The following KIAA1217 variants were observed in gnomAD, a reference collection of about 807,000 sequenced individuals.
The protein encoded by KIAA1217 is KIAA1217.
Under a neutral mutation model 163.9 loss-of-function variants are expected in KIAA1217, and 88 were observed. The observed-to-expected ratio is 0.54, with a 90% confidence interval of 0.45 to 0.64. KIAA1217 has a LOEUF of 0.64. Among genes scored for constraint, KIAA1217 ranks in the 30% least tolerant of loss-of-function variants. The pLI is 0.00. For missense variants in KIAA1217, 2,372 were observed against 2,475.0 expected, an observed-to-expected ratio of 0.96 and a Z score of 0.88; for synonymous variants, 903 against 923.1, an observed-to-expected ratio of 0.98 and a Z score of 0.39.
intron 1 of KIAA1217, among the ~76,000 whole-genome samples, chr10:23,999,983 T>G (rs1360294945): frequency 6.6e-6 from 1 of 152,134 alleles, no homozygotes; most frequent in Non-Finnish European, 1.5e-5. Context: ...GGAGGATCAC[T>G]TGAGCCCAGG....
rs1026701451 is a variant in KIAA1217 at position 23,934,767 on chromosome 10, G to A, written c.-320-72458G>A. ...TGAGTAGCTGGGACTACAGGCACCC[G>A]CCACCACACCCGGCTAATTTTTTGT... On this transcript the variant is annotated intron_variant, in intron 1 of 18. Transcript: ENST00000376462. Among the ~76,000 whole-genome samples, 8 of 149,628 alleles carry A rather than the reference G, an allele frequency of 5.3e-5. No homozygotes were observed. The East Asian group carries it at 5.9e-4, about 11-fold the overall frequency.
chr10:24,186,639 C>T (rs1416726135), intron 2 of KIAA1217, among the ~76,000 whole-genome samples: 1 of 152,126 alleles, frequency 6.6e-6, no homozygotes, highest in Non-Finnish European at 1.5e-5. Flanking sequence ...CCCTGTAATC[C>T]CACCACTTTG....
chr10:24,153,957 TA>T (rs1031294825), intron 2 of KIAA1217, among the ~76,000 whole-genome samples: 3 of 142,986 alleles, frequency 2.1e-5, no homozygotes, highest in African/African-American at 5.3e-5. Flanking sequence ...CTACAAAAAA[TA>T]TTTTTTTTTT....
At chr10:24,509,552 A>C (rs2068817910) in intron 9 of KIAA1217, among the ~76,000 whole-genome samples, 1 of 152,168 alleles carries the variant, frequency 6.6e-6, no homozygotes. Flanking sequence ...CAGAAACGTT[A>C]TATTGCGATT....
At chr10:24,268,540 A>ATTT (rs1206963269) in intron 2 of KIAA1217, among the ~76,000 whole-genome samples, 1 of 147,740 alleles carries the variant, frequency 6.8e-6, no homozygotes, top group Non-Finnish European at 1.5e-5. Context: ...AATGGCAATC[A>ATTT]TTAAAAAGTC....
At chr10:24,207,788 G>T (rs111376927), upstream of KIAA1217, among the ~76,000 whole-genome samples, 33 of 152,212 alleles carry the variant, frequency 2.2e-4, no homozygotes, top group Admixed American at 5.2e-4. Flanking sequence ...TACATCCTTT[G>T]TCTGTTAGGT....
chr10:24,428,571 C>T (rs17514203), intron 3 of KIAA1217, among the ~76,000 whole-genome samples: 10,804 of 152,184 alleles, frequency 0.071, 470 homozygotes, highest in East Asian at 0.14. Flanking sequence ...CTAGCAAAAG[C>T]TCTTATAGCT....
intron 2 of KIAA1217, among the ~76,000 whole-genome samples, chr10:24,027,632 CCTA>C (rs1848017552): frequency 6.6e-6 from 1 of 151,768 alleles, no homozygotes; most frequent in Admixed American, 6.6e-5. Context: ...TTATTTAATA[CCTA>C]AACAAATGGA....
At chr10:24,252,523 T>G (rs1346384501) in intron 2 of KIAA1217, among the ~76,000 whole-genome samples, 1 of 152,088 alleles carries the variant, frequency 6.6e-6, no homozygotes, top group Non-Finnish European at 1.5e-5. Flanking sequence ...GAGCCTGAAA[T>G]GAGCTCTGAT....
At chr10:23,976,067 G>A (rs1211246102) in intron 1 of KIAA1217, among the ~76,000 whole-genome samples, 1 of 152,092 alleles carries the variant, frequency 6.6e-6, no homozygotes, top group Admixed American at 6.5e-5. Flanking sequence ...ATGTCAAAAC[G>A]AAATAGGACC....
At chr10:24,222,424 G>A (rs1417232732) in intron 2 of KIAA1217, among the ~76,000 whole-genome samples, 1 of 152,210 alleles carries the variant, frequency 6.6e-6, no homozygotes, top group African/African-American at 2.4e-5. Flanking sequence ...CCAAGAGAGG[G>A]TTCTTGGGTC....
rs147981282 is a variant in KIAA1217, at chr10:24,502,454, A to T, written c.2001+909A>T. Among the ~76,000 whole-genome samples the T allele has an allele frequency of 6.1e-4, 93 of 152,248 alleles. 1 individual carries two copies. In the East Asian group the frequency reaches 0.013, roughly 21 times the overall value. Reference sequence around the variant, plus strand: ...ATATAAACTCTACGGGAATCAGGATAAGTGACCCTTCAGGTCACGAATCTT... The same window carrying T: ...ATATAAACTCTACGGGAATCAGGATTAGTGACCCTTCAGGTCACGAATCTT... On this transcript the variant is annotated intron_variant, in intron 9 of 20. Transcript: ENST00000376454.
intron 1 of KIAA1217, among the ~76,000 whole-genome samples, chr10:23,792,069 G>A (rs1416663102): frequency 6.6e-6 from 1 of 152,162 alleles, no homozygotes; most frequent in African/African-American, 2.4e-5. Context: ...AAAGCTATAA[G>A]TGGCCTAGAA....
In KIAA1217 at chr10:23,933,132, T is replaced by G. The variant is rs991569297; in HGVS notation, c.-320-74093T>G. On this transcript the variant is annotated intron_variant, in intron 1 of 18. Transcript: ENST00000376462. ...TTCTCATATAATAAAATCAGCTTAT[T>G]ATCTGCTAGGCGTTGTGGAGCTAGG... is the stretch of plus-strand genomic sequence containing the variant. Among the ~76,000 whole-genome samples the G allele has an allele frequency of 2.6e-5, 4 of 152,354 alleles. No individual in the cohort carries two copies. The East Asian group carries it at 7.7e-4, about 29-fold the overall frequency.
chr10:24,135,934 G>A (rs1172508596), intron 2 of KIAA1217, among the ~76,000 whole-genome samples: 1 of 152,156 alleles, frequency 6.6e-6, no homozygotes, highest in African/African-American at 2.4e-5. Flanking sequence ...CAACTTTCAT[G>A]CTGAAAACAG....
At chr10:23,823,037 A>T (rs1837699396) in intron 1 of KIAA1217, among the ~76,000 whole-genome samples, 1 of 152,240 alleles carries the variant, frequency 6.6e-6, no homozygotes, top group Non-Finnish European at 1.5e-5. Flanking sequence ...TTATTGCTAC[A>T]GTAACAAATT....
chr10:23,929,708 A>G (rs1202925602), intron 1 of KIAA1217, among the ~76,000 whole-genome samples: 2 of 152,120 alleles, frequency 1.3e-5, no homozygotes, highest in African/African-American at 4.8e-5. Flanking sequence ...TCCACAGTGG[A>G]TGGGCACCTA....
intron 2 of KIAA1217, among the ~76,000 whole-genome samples, chr10:24,185,125 GA>G (rs2066360575): frequency 6.6e-6 from 1 of 152,114 alleles, no homozygotes; most frequent in Non-Finnish European, 1.5e-5. Context: ...CTCTCATCTA[GA>G]AGGGAAACTT....
intron 1 of KIAA1217, among the ~76,000 whole-genome samples, chr10:23,789,978 T>TACAC: frequency 7.9e-6 from 1 of 126,104 alleles, no homozygotes; most frequent in Admixed American, 8.2e-5. Context: ...CATATACATA[T>TACAC]ATACACATAT....
Sources: gnomAD v4.1 joint callset for allele counts (sites outside exome capture counted in the v4.1 genomes callset) on GRCh38, gnomAD v4.1.1 for gene constraint, MANE v1.5 for transcripts, NCBI Gene and HGNC (gene_info 2026-07-23, HGNC 2026-07-21) for gene names.